The following CD79B variants were observed in gnomAD, a reference collection of about 807,000 sequenced individuals.
CD79B encodes the protein B-cell antigen receptor complex-associated protein beta chain.
A neutral mutation model predicts 30.0 loss-of-function variants in CD79B; 7 were observed. That is an observed-to-expected ratio of 0.23 (90% CI 0.13 to 0.44). The LOEUF is 0.44. Ranked by LOEUF, CD79B falls within the 20% of genes least tolerant of loss-of-function variation. CD79B has a pLI of 1.00. For missense variants in CD79B, 218 were observed against 299.1 expected (o/e 0.73, Z 2.00); for synonymous variants, 118 against 119.2 (o/e 0.99, Z 0.07).
Position 63,932,182 on chromosome 17 carries a change from G to C in CD79B, c.67+13C>G. 3 of 1,611,900 alleles carry C rather than the reference G, an allele frequency of 1.9e-6. No individual in the cohort carries two copies. The highest frequency in any genetic ancestry group is 1.7e-6 in the Non-Finnish European group (2 of 1,178,808). On this transcript the variant is annotated intron_variant, in intron 1 of 5. Coordinates refer to ENST00000006750, the MANE Select transcript of CD79B (RefSeq NM_000626.4). ...GAGAGCAAACCCCACAGGCCTCGTC[G>C]TGGGTTCTGTACCTGAGAGCAGCAG...
rs1169314441 is a variant in CD79B at position 63,929,275 on chromosome 17, C to T, written c.641G>A (p.Arg214Gln). ...TATYEDIVTLRTGEVKWSVGE... is the reference protein window; with the variant it reads ...TATYEDIVTLQTGEVKWSVGE... Reference sequence around the variant, plus strand: ...TACAGACCACTTCACTTCCCCTGTCCGCAGCGTCACTATGTCCTCATAGGT... The same window carrying T: ...TACAGACCACTTCACTTCCCCTGTCTGCAGCGTCACTATGTCCTCATAGGT... Residue 214 changes from arginine (R) to glutamine (Q), a missense_variant, in exon 6 of 6, where the codon CGG (arginine) becomes CAG (glutamine). Coordinates refer to ENST00000006750, the MANE Select transcript of CD79B (RefSeq NM_000626.4). 4.0e-5 allele frequency: 65 copies of T among 1,613,930 alleles called. No homozygotes were observed. Among genetic ancestry groups the T allele is most frequent in the Non-Finnish European group, 5.3e-5 (62 of 1,179,960 alleles).
chr17:63,929,608 TGAAGGAAG>T, intron 4 of CD79B, 133 bp from the exon 5 acceptor site: 1 of 1,050,870 alleles, frequency 9.5e-7, no homozygotes, highest in Non-Finnish European at 1.5e-6. Flanking sequence ...AACAGCTGAA[TGAAGGAAG>T]GAAGGAAGGA....
rs371735747 is a variant in CD79B at position 63,932,291 on chromosome 17, C to T, written c.-30G>A. The T allele has an allele frequency of 4.9e-5, 79 of 1,604,564 alleles. No homozygotes were observed. The highest frequency in any genetic ancestry group is 1.3e-4 in the Admixed American group (8 of 59,988). On this transcript the variant is annotated 5_prime_UTR_variant, in exon 1 of 6. Coordinates refer to ENST00000006750, the MANE Select transcript of CD79B (RefSeq NM_000626.4). ...ACCGCTCTGTCCCCGACCCCAAACC[C>T]GTGACAACGTCCGAGGCTCCTTGGA...
rs148032848 is a variant in CD79B at position 63,929,796 on chromosome 17, C to T, written c.523G>A (p.Val175Met). Residue 175 changes from valine to methionine, a missense_variant, in exon 4 of 6, where the codon GTG becomes ATG. Val to Met is a conservative substitution (Grantham distance 21, BLOSUM62 1). Transcript: ENST00000006750. ...QTLLIILFIIVPIFLLLDKDD... is the reference protein window; with the variant it reads ...QTLLIILFIIMPIFLLLDKDD... Reference sequence around the variant, plus strand: ...TTGTCCAGCAGCAGGAAGATAGGCACGATGATGAAGAGGATGATCAGCAGC... The same window carrying T: ...TTGTCCAGCAGCAGGAAGATAGGCATGATGATGAAGAGGATGATCAGCAGC... 5.6e-6 allele frequency: 9 copies of T among 1,611,650 alleles called. No homozygotes were observed. The highest frequency in any genetic ancestry group is 2.2e-5 in the East Asian group (1 of 44,886).
intron 5 of CD79B, 48 bp from the exon 6 acceptor site, chr17:63,929,372 C>A: frequency 6.2e-7 from 1 of 1,610,298 alleles, no homozygotes; most frequent in Non-Finnish European, 8.5e-7. Context: ...CCCAACCACA[C>A]CAGCAGATAG....
At chr17:63,930,976 C>A in intron 2 of CD79B, 1 of 373,356 alleles carries the variant, frequency 2.7e-6, no homozygotes, top group Admixed American at 3.8e-5. Flanking sequence ...GCCCGGGAAT[C>A]CCTGAGCCCC....
Position 63,931,873 on chromosome 17 carries a change from G to A in CD79B, c.67+322C>T, listed in dbSNP as rs188020361. ...CGGTTGGGACAGCCTCTCCCCTCCC[G>A]ACCCCCAGGCACCGCCCTCAGCCTC... On this transcript the variant is annotated intron_variant, in intron 1 of 5. Coordinates refer to ENST00000006750, the MANE Select transcript of CD79B (RefSeq NM_000626.4). 692 of 457,824 alleles carry A rather than the reference G, an allele frequency of 1.5e-3. 3 individuals are homozygous for A. The highest frequency in any genetic ancestry group is 0.012 in the African/African-American group (609 of 50,566). 28.4% of individuals were successfully genotyped at this position (457,824 alleles called of 1,614,324 possible).
In CD79B at chr17:63,930,391, G is replaced by T. The variant is rs767717676; in HGVS notation, c.119-6C>A. The T allele has an allele frequency of 1.2e-6, 2 of 1,612,968 alleles. No individual in the cohort carries two copies. Among genetic ancestry groups the T allele is most frequent in the Non-Finnish European group, 1.7e-6 (2 of 1,179,698 alleles). ...GATCCGCGAACAAGCACTACCTGTG[G>T]GTGCCAAGGCCAGGCTCAGCATTCC... On this transcript the variant is annotated splice_region_variant and splice_polypyrimidine_tract_variant and intron_variant, in intron 2 of 5. Coordinates refer to ENST00000006750, the MANE Select transcript of CD79B (RefSeq NM_000626.4).
intron 2 of CD79B, among the ~76,000 whole-genome samples, chr17:63,930,701 C>T (rs1908071713): frequency 6.6e-6 from 1 of 152,224 alleles, no homozygotes; most frequent in Non-Finnish European, 1.5e-5. Context: ...CTGACCCAGG[C>T]CACACCCCCA....
chr17:63,929,879 G>T lies in CD79B; in HGVS notation c.440C>A (p.Thr147Asn). The change falls in exon 4 of 6, where the codon ACC (threonine) becomes AAC (asparagine). Residue 147 changes from threonine (T) to asparagine (N), a missense_variant. Coordinates refer to ENST00000006750, the MANE Select transcript of CD79B (RefSeq NM_000626.4). ...GTELRVMGFS[T>N]LAQLKQRNTL... ...GTTCCTCTGCTTCAGCTGTGCCAAG[G>T]TGCTGAATCCTGCGGGGACAGGGGT... 2 of 1,612,340 alleles carry T rather than the reference G, an allele frequency of 1.2e-6. No homozygotes were observed. The highest frequency in any genetic ancestry group is 1.7e-6 in the Non-Finnish European group (2 of 1,178,548).
At chr17:63,931,246 C>T (rs1473142599) in intron 2 of CD79B, 89 bp downstream of exon 2, 11 of 1,371,860 alleles carry the variant, frequency 8.0e-6, no homozygotes, top group African/African-American at 2.9e-5. Flanking sequence ...GGTGGGAAGG[C>T]GGACCGCCCC....
chr17:63,931,270 A>C, intron 2 of CD79B, 65 bp downstream of exon 2: 6 of 1,535,308 alleles, frequency 3.9e-6, no homozygotes, highest in Non-Finnish European at 5.4e-6. Context: ...GACAGGGACC[A>C]TAGTCGGACA....
Position 63,930,217 on chromosome 17 carries a change from A to G in CD79B, c.287T>C (p.Met96Thr). Residue 96 changes from methionine to threonine, a missense_variant, in exon 3 of 6, where the codon ATG becomes ACG. By Grantham distance (81) the Met-to-Thr change is moderately conservative. Coordinates refer to ENST00000006750, the MANE Select transcript of CD79B (RefSeq NM_000626.4). ...GAGAGATTCGTTCTGGGACTCTTCC[A>G]TGCGGCCCTTTTCCAGCTTCAGCTG... ...PQQLKLEKGRMEESQNESLAT... is the reference protein window; with the variant it reads ...PQQLKLEKGRTEESQNESLAT... 6.2e-7 allele frequency: 1 copy of G among 1,614,192 alleles called. No individual in the cohort carries two copies. The highest frequency in any genetic ancestry group is 8.5e-7 in the Non-Finnish European group (1 of 1,180,034).
intron 2 of CD79B, 123 bp from the exon 3 acceptor site, chr17:63,930,508 TG>T: frequency 1.1e-6 from 1 of 901,192 alleles, no homozygotes; most frequent in Non-Finnish European, 1.8e-6. Context: ...TCTCAGGGTG[TG>T]GGACAGGCAG....
In CD79B at chr17:63,929,280, C is replaced by T. The variant is rs534051167; in HGVS notation, c.636G>A (p.Thr212=). 5.0e-6 allele frequency: 8 copies of T among 1,614,024 alleles called. No individual in the cohort carries two copies. In the African/African-American group the frequency reaches 5.3e-5, roughly 11 times the overall value. The change falls in exon 6 of 6, where the codon ACG becomes ACA. Residue 212 remains threonine, a synonymous_variant. Coordinates refer to ENST00000006750, the MANE Select transcript of CD79B (RefSeq NM_000626.4). ...ACCACTTCACTTCCCCTGTCCGCAG[C>T]GTCACTATGTCCTCATAGGTGGCTG... ...DQTATYEDIV[T]LRTGEVKWSV...
chr17:63,929,761 C>T lies in CD79B; in HGVS notation c.549+9G>A, dbSNP rs1169877600. 4 of 1,594,374 alleles carry T rather than the reference C, an allele frequency of 2.5e-6. No individual in the cohort carries two copies. Among genetic ancestry groups the T allele is most frequent in the Non-Finnish European group, 3.4e-6 (4 of 1,167,164 alleles). On this transcript the variant is annotated intron_variant, in intron 4 of 5. Transcript: ENST00000006750. ...CGGTCCCCCAAGGCTTCCCCCGTCC[C>T]CTGATCACCTTGTCCAGCAGCAGGA...
rs1454367357 is a variant in CD79B, at chr17:63,930,565, G to A, written c.119-180C>T. On this transcript the variant is annotated intron_variant, in intron 2 of 5. Transcript: ENST00000006750. ...GAAGCAGAGCCACGTGAGAGGCTGA[G>A]CCACATGAGAAGCCACGGCCAAGCT... 4.7e-6 allele frequency: 3 copies of A among 638,708 alleles called. No individual in the cohort carries two copies. In the African/African-American group the frequency reaches 5.5e-5, roughly 12 times the overall value. The allele number at this position is 638,708 out of a possible 1,614,324, so 39.6% of individuals were successfully genotyped here.
intron 2 of CD79B, chr17:63,931,014 T>C (rs1263261111): frequency 9.3e-6 from 4 of 431,922 alleles, no homozygotes; most frequent in Admixed American, 3.5e-5. Context: ...ACTGGAGGGC[T>C]CACCCGAGAC....
At chr17:63,931,477 A>G in intron 1 of CD79B, 92 bp from the exon 2 acceptor site, 2 of 1,253,788 alleles carry the variant, frequency 1.6e-6, no homozygotes, top group East Asian at 2.3e-5. Flanking sequence ...TCCCGGAGCT[A>G]CTTCCTCCTT....
Sources: allele counts gnomAD v4.1 joint callset (sites outside exome capture counted in the v4.1 genomes callset), GRCh38; gene constraint gnomAD v4.1.1; transcripts MANE v1.5; gene names NCBI Gene and HGNC (gene_info 2026-07-23, HGNC 2026-07-21).